The following RPS6KB1 variants were observed in gnomAD, a reference collection of about 807,000 sequenced individuals.
RPS6KB1 encodes ribosomal protein S6 kinase B1.
Under a neutral mutation model 70.2 loss-of-function variants are expected in RPS6KB1, and 12 were observed. The ratio of observed to expected loss-of-function variants is 0.17; its 90% CI spans 0.11 to 0.28. The LOEUF (loss-of-function observed/expected upper bound fraction) is 0.28. RPS6KB1 is among the 10% of genes least tolerant of loss of function. The pLI is 1.00. For synonymous variants in RPS6KB1, 175 were observed against 211.2 expected, an observed-to-expected ratio of 0.83 and a Z score of 1.49; for missense variants, 270 against 646.6, an observed-to-expected ratio of 0.42 and a Z score of 6.32.
intron 12 of RPS6KB1, among the ~76,000 whole-genome samples, chr17:59,937,332 T>C (rs1461041702): frequency 6.6e-6 from 1 of 152,228 alleles, no homozygotes; most frequent in Non-Finnish European, 1.5e-5. Flanking sequence ...TATGATTCTC[T>C]GGGAATTTTT....
At chr17:59,918,489 C>T (rs1265233263) in intron 4 of RPS6KB1, among the ~76,000 whole-genome samples, 1 of 152,090 alleles carries the variant, frequency 6.6e-6, no homozygotes, top group Non-Finnish European at 1.5e-5. Context: ...CCTGCCTCAG[C>T]CTCCTGAGTA....
At chr17:59,927,371 A>G (rs2043671662) in intron 5 of RPS6KB1, among the ~76,000 whole-genome samples, 1 of 152,132 alleles carries the variant, frequency 6.6e-6, no homozygotes, top group South Asian at 2.1e-4. Context: ...GGTGTCAGCC[A>G]CTGCACCCGG....
rs1273754991 is a variant in RPS6KB1 at position 59,947,253 on chromosome 17, A to C, written c.*465A>C. The C allele has an allele frequency of 1.9e-6, 2 of 1,031,404 alleles. No individual in the cohort carries two copies. Among genetic ancestry groups the C allele is most frequent in the African/African-American group, 3.4e-5 (2 of 58,860 alleles). 63.9% of individuals were successfully genotyped at this position (1,031,404 alleles called of 1,614,324 possible). ...CCAGCAAAATGGAAGCAAAGACAAAAGAAACTTACCAATTGATGTTTTACG... is the reference window on the plus strand; with the variant it reads ...CCAGCAAAATGGAAGCAAAGACAAACGAAACTTACCAATTGATGTTTTACG... On this transcript the variant is annotated 3_prime_UTR_variant, in exon 15 of 15. Coordinates refer to ENST00000225577, the MANE Select transcript of RPS6KB1 (RefSeq NM_003161.4).
chr17:59,908,767 C>T (rs1382559760), intron 1 of RPS6KB1, among the ~76,000 whole-genome samples: 2 of 140,674 alleles, frequency 1.4e-5, no homozygotes, highest in Non-Finnish European at 3.0e-5. Context: ...TACAGGTGCC[C>T]GCTACCACGC....
In RPS6KB1 at chr17:59,919,369, C is replaced by T. The variant is rs147828009; in HGVS notation, c.381+4666C>T. Among the ~76,000 whole-genome samples the T allele has an allele frequency of 2.6e-3, 398 of 152,242 alleles. 9 individuals are homozygous for T. The highest frequency in any genetic ancestry group is 0.024 in the Admixed American group (363 of 15,274). On this transcript the variant is annotated intron_variant, in intron 4 of 14. Coordinates refer to ENST00000225577, the MANE Select transcript of RPS6KB1 (RefSeq NM_003161.4). ...TTTGGGGGCGCTGAGGCAGGAGAATCGCTTGAGCCTGGGAGGTGGAGGTTG... is the reference window on the plus strand; with the variant it reads ...TTTGGGGGCGCTGAGGCAGGAGAATTGCTTGAGCCTGGGAGGTGGAGGTTG...
At chr17:59,941,414 T>A (rs1180704822) in intron 13 of RPS6KB1, among the ~76,000 whole-genome samples, 1 of 149,888 alleles carries the variant, frequency 6.7e-6, no homozygotes, top group African/African-American at 2.4e-5. Context: ...AGCCTTGACC[T>A]CCCAGGCTCA....
intron 4 of RPS6KB1, among the ~76,000 whole-genome samples, chr17:59,915,589 C>CCTAATAG (rs1012268368): frequency 2.0e-5 from 3 of 151,498 alleles, no homozygotes; most frequent in African/African-American, 7.3e-5. Flanking sequence ...CCCTAGCCTC[C>CCTAATAG]CTAATAGCTG....
At chr17:59,924,159 T>C (rs1381218863) in intron 4 of RPS6KB1, among the ~76,000 whole-genome samples, 1 of 152,040 alleles carries the variant, frequency 6.6e-6, no homozygotes, top group African/African-American at 2.4e-5. Context: ...TGAAACCCCA[T>C]CTCTACTAAA....
In RPS6KB1 at chr17:59,893,421, G is replaced by T; in HGVS notation, c.141+96G>T. On this transcript the variant is annotated intron_variant, in intron 1 of 14. Transcript: ENST00000225577. This position sits in a 1 kb window ranked among gnomAD's most constrained non-coding sequence, Gnocchi z 4.1. ...TGTGTCCTAGAGCGTGGAGACCCAG[G>T]GGGGCTCCTGAGGAGCTGAGGGTCG... 7.8e-7 allele frequency: 1 copy of T among 1,288,948 alleles called. No individual in the cohort carries two copies. Among genetic ancestry groups the T allele is most frequent in the Non-Finnish European group, 1.1e-6 (1 of 929,142 alleles). 79.8% of individuals were successfully genotyped at this position (1,288,948 alleles called of 1,614,324 possible). A position where few individuals can be genotyped will look rare whatever the true frequency, so the allele number is the denominator to read the frequency against.
intron 13 of RPS6KB1, among the ~76,000 whole-genome samples, chr17:59,941,876 T>C (rs2044617655): frequency 6.7e-6 from 1 of 149,738 alleles, no homozygotes; most frequent in Non-Finnish European, 1.5e-5. Flanking sequence ...TTTTTTTTTT[T>C]GAGAAGGAGT....
Position 59,946,498 on chromosome 17 carries a change from C to A in RPS6KB1, c.1341-53C>A. The stretch of plus-strand genomic sequence containing the variant: ...CCCTTTAAACGTAAAGGAAATATGT[C>A]TTGTTGAGATGACCCTTAAGCAAAT... On this transcript the variant is annotated intron_variant, in intron 14 of 14. Transcript: ENST00000225577. This position sits in a 1 kb window ranked among gnomAD's most constrained non-coding sequence, Gnocchi z 4.2. 7.7e-7 allele frequency: 1 copy of A among 1,301,406 alleles called. No individual in the cohort carries two copies. The highest frequency in any genetic ancestry group is 1.1e-6 in the Non-Finnish European group (1 of 897,922). The allele number at this position is 1,301,406 out of a possible 1,614,324, so 80.6% of individuals were successfully genotyped here.
Position 59,946,540 on chromosome 17 carries a change from T to C in RPS6KB1, c.1341-11T>C, listed in dbSNP as rs746301381. The C allele has an allele frequency of 7.5e-6, 12 of 1,608,076 alleles. No individual in the cohort carries two copies. The highest frequency in any genetic ancestry group is 1.0e-5 in the Non-Finnish European group (12 of 1,174,644). On this transcript the variant is annotated splice_polypyrimidine_tract_variant and intron_variant, in intron 14 of 14. Coordinates refer to ENST00000225577, the MANE Select transcript of RPS6KB1 (RefSeq NM_003161.4). This position sits in a 1 kb window ranked among gnomAD's most constrained non-coding sequence, Gnocchi z 4.2. Reference sequence around the variant, plus strand: ...TAAGCAAATGAATGATAGCTCTTCCTTGTCTTAAAGCCCAGTCAAATTTTC... The same window carrying C: ...TAAGCAAATGAATGATAGCTCTTCCCTGTCTTAAAGCCCAGTCAAATTTTC...
In RPS6KB1 at chr17:59,934,524, A is replaced by C; in HGVS notation, c.870A>C (p.Ala290=). The change falls in exon 9 of 15, where the codon GCA becomes GCC. Residue 290 remains alanine (A), a splice_region_variant and synonymous_variant. Coordinates refer to ENST00000225577, the MANE Select transcript of RPS6KB1 (RefSeq NM_003161.4). This position sits in a 1 kb window ranked among gnomAD's most constrained non-coding sequence, Gnocchi z 4.8. ...GALMYDMLTG[A]PPFTGENRKK... ...TAATGTATGACATGCTGACTGGAGC[A>C]GTAGGTGCACAGTTAAAAGCTGCAT... 6.2e-7 allele frequency: 1 copy of C among 1,609,410 alleles called. No individual in the cohort carries two copies.
chr17:59,915,787 T>TATTTA (rs71682312), intron 4 of RPS6KB1, among the ~76,000 whole-genome samples: 1 of 128,432 alleles, frequency 7.8e-6, no homozygotes, highest in African/African-American at 3.1e-5. Flanking sequence ...TTTTTTTTTT[T>TATTTA]TTTTTTTTTT....
At chr17:59,924,756 G>A (rs1218028597) in intron 4 of RPS6KB1, among the ~76,000 whole-genome samples, 4 of 151,498 alleles carry the variant, frequency 2.6e-5, no homozygotes, top group Admixed American at 2.6e-4. Context: ...CCATGCTGCT[G>A]TACTTTTAAG....
Position 59,946,991 on chromosome 17 carries a change from C to T in RPS6KB1, c.*203C>T, listed in dbSNP as rs1441318040. Reference sequence around the variant, plus strand: ...AAAAACTTAAAGCAAAATAGTATTGCTGAACTCTTAGGCACATCAATTAAT... The same window carrying T: ...AAAAACTTAAAGCAAAATAGTATTGTTGAACTCTTAGGCACATCAATTAAT... On this transcript the variant is annotated 3_prime_UTR_variant, in exon 15 of 15. Transcript: ENST00000225577. This position sits in a 1 kb window ranked among gnomAD's most constrained non-coding sequence, Gnocchi z 4.2. The T allele has an allele frequency of 2.1e-6, 3 of 1,406,920 alleles. No individual in the cohort carries two copies. Among genetic ancestry groups the T allele is most frequent in the East Asian group, 2.6e-5 (1 of 37,812 alleles). The allele number at this position is 1,406,920 out of a possible 1,614,324, so 87.2% of individuals were successfully genotyped here.
Position 59,947,456 on chromosome 17 carries a change from T to C in RPS6KB1, c.*668T>C, listed in dbSNP as rs2044991273. On this transcript the variant is annotated 3_prime_UTR_variant, in exon 15 of 15. Coordinates refer to ENST00000225577, the MANE Select transcript of RPS6KB1 (RefSeq NM_003161.4). ...AAATAATAAAATGCAAATGAATCAT[T>C]GTTAACCACAGCTGTGGCTCGTTTG... 7.5e-7 allele frequency: 1 copy of C among 1,338,298 alleles called. No individual in the cohort carries two copies. Among genetic ancestry groups the C allele is most frequent in the Non-Finnish European group, 9.6e-7 (1 of 1,037,592 alleles). The allele number at this position is 1,338,298 out of a possible 1,614,324, so 82.9% of individuals were successfully genotyped here.
chr17:59,923,109 G>A (rs1225264586), intron 4 of RPS6KB1, among the ~76,000 whole-genome samples: 1 of 151,196 alleles, frequency 6.6e-6, no homozygotes, highest in Non-Finnish European at 1.5e-5. Context: ...TGATCTGCCC[G>A]CCTCAGCCTC....
At chr17:59,930,040 A>G in intron 5 of RPS6KB1, 77 bp from the exon 6 acceptor site, 2 of 792,386 alleles carry the variant, frequency 2.5e-6, no homozygotes, top group South Asian at 2.9e-5. Context: ...TTAGAAGGAA[A>G]GCACAAACTC....
Sources: allele counts gnomAD v4.1 joint callset (sites outside exome capture counted in the v4.1 genomes callset), GRCh38; gene constraint gnomAD v4.1.1; non-coding constraint Gnocchi (gnomAD v3.1); transcripts MANE v1.5; gene names NCBI Gene and HGNC (gene_info 2026-07-23, HGNC 2026-07-21).